The following COL28A1 variants were observed in gnomAD, a reference collection of about 807,000 sequenced individuals.
COL28A1 encodes collagen alpha-1(XXVIII) chain.
In COL28A1, 161 loss-of-function variants were observed where a neutral mutation model predicts 150.2. That is an observed-to-expected ratio of 1.07 (90% CI 0.94 to 1.22). The LOEUF (loss-of-function observed/expected upper bound fraction) is 1.22. COL28A1 is among the 50% of genes most tolerant of loss of function. COL28A1 has a pLI of 0.00. For synonymous variants in COL28A1, 552 were observed against 469.7 expected (o/e 1.18, Z -2.26); for missense variants, 1,617 against 1,388.3 (o/e 1.16, Z -2.62).
At chr7:7,527,822 G>C (rs959398305) in intron 3 of COL28A1, among the ~76,000 whole-genome samples, 1 of 152,142 alleles carries the variant, frequency 6.6e-6, no homozygotes, top group Non-Finnish European at 1.5e-5. Context: ...TTTATGCTGT[G>C]AGAAGGGGAC....
rs943676550 is a variant in COL28A1 at position 7,508,222 on chromosome 7, ACT to A, written c.928-1063_928-1062del. 4.7e-5 allele frequency among the ~76,000 whole-genome samples: 7 copies of A among 150,468 alleles called. No homozygotes were observed. In the South Asian group the frequency reaches 1.3e-3, roughly 27 times the overall value. ...ACTCCAGCCTGGGCAACAGAGCGAG[ACT>A]CTGTCTCAAAAAAAAAAAAAAAATT... On this transcript the variant is annotated intron_variant, in intron 9 of 34. Transcript: ENST00000399429.
intron 27 of COL28A1, among the ~76,000 whole-genome samples, chr7:7,402,350 T>C (rs908141814): frequency 4.6e-5 from 7 of 152,086 alleles, no homozygotes; most frequent in African/African-American, 1.7e-4. Flanking sequence ...TCAGAAGGAG[T>C]GGATTCATTT....
the COL28A1 span, among the ~76,000 whole-genome samples, chr7:7,541,167 T>C: frequency 6.6e-6 from 1 of 152,298 alleles, no homozygotes; most frequent in East Asian, 1.9e-4. Context: ...CCAGTTAAGG[T>C]AATAGGGTCA....
At chr7:7,413,300 C>G (rs1783888725) in intron 27 of COL28A1, among the ~76,000 whole-genome samples, 1 of 152,108 alleles carries the variant, frequency 6.6e-6, no homozygotes, top group Non-Finnish European at 1.5e-5. Context: ...TGTAGACCAC[C>G]ATACTTTCTG....
chr7:7,461,253 T>C (rs1399355973), intron 15 of COL28A1, among the ~76,000 whole-genome samples: 1 of 152,162 alleles, frequency 6.6e-6, no homozygotes, highest in East Asian at 1.9e-4. Context: ...GTGGGTTCCC[T>C]AGCAAGCCAT....
chr7:7,519,082 A>T (rs1300083519), intron 6 of COL28A1, among the ~76,000 whole-genome samples: 1 of 152,154 alleles, frequency 6.6e-6, no homozygotes, highest in Non-Finnish European at 1.5e-5. Flanking sequence ...ACAAAGACAC[A>T]CCTGAGACTG....
the COL28A1 span, among the ~76,000 whole-genome samples, chr7:7,345,770 G>C: frequency 6.6e-6 from 1 of 152,074 alleles, no homozygotes; most frequent in East Asian, 1.9e-4. Flanking sequence ...TTGCTTCTCA[G>C]ATTTTCTGTT....
At chr7:7,460,625 G>T (rs188990689) in intron 15 of COL28A1, among the ~76,000 whole-genome samples, 7 of 151,828 alleles carry the variant, frequency 4.6e-5, no homozygotes, top group Non-Finnish European at 8.8e-5. Context: ...CTCGTGATCC[G>T]CCCGCCTCAG....
chr7:7,450,523 T>C (rs574625208), intron 18 of COL28A1, among the ~76,000 whole-genome samples: 1 of 152,310 alleles, frequency 6.6e-6, no homozygotes, highest in South Asian at 2.1e-4. Context: ...TGTACACACT[T>C]CATATTTGCA....
In COL28A1 at chr7:7,465,161, AGACGGGT is replaced by A. The variant is rs753618757; in HGVS notation, c.1303-9056_1303-9050del. Among the ~76,000 whole-genome samples, 321 of 151,174 alleles carry A rather than the reference AGACGGGT, an allele frequency of 2.1e-3. 1 individual carries two copies. The highest frequency in any genetic ancestry group is 3.7e-3 in the Non-Finnish European group (249 of 67,368). On this transcript the variant is annotated intron_variant, in intron 15 of 34. Coordinates refer to ENST00000399429, the MANE Select transcript of COL28A1 (RefSeq NM_001037763.3). ...CAGCTCCCAGCGTGAGCGACGCAGA[AGACGGGT>A]GATTTCTGCATTTCCATCTGAGGTA...
chr7:7,402,530 G>C (rs1783264289), intron 27 of COL28A1, among the ~76,000 whole-genome samples: 1 of 152,184 alleles, frequency 6.6e-6, no homozygotes, highest in African/African-American at 2.4e-5. Context: ...CAGGTATTTA[G>C]AGAATCAAAC....
At chr7:7,377,807 C>CAAAAAAAAAAA (rs35530896) in intron 30 of COL28A1, among the ~76,000 whole-genome samples, 2 of 126,322 alleles carry the variant, frequency 1.6e-5, no homozygotes, top group African/African-American at 2.9e-5. Context: ...ATAATTCACG[C>CAAAAAAAAAAA]AAAAAAAAAA....
chr7:7,378,086 G>C (rs1469235391), intron 30 of COL28A1, among the ~76,000 whole-genome samples: 1 of 152,092 alleles, frequency 6.6e-6, no homozygotes, highest in Non-Finnish European at 1.5e-5. Context: ...TCCACCTAGA[G>C]ATGTCCACGG....
intron 25 of COL28A1, among the ~76,000 whole-genome samples, chr7:7,429,473 T>TGTG (rs1554270171): frequency 4.7e-5 from 5 of 106,968 alleles, no homozygotes; most frequent in Admixed American, 1.9e-4. Flanking sequence ...TGTGTGTGTG[T>TGTG]GGGGGGGGGG....
At chr7:7,387,695 CT>C (rs1332266921) in intron 27 of COL28A1, among the ~76,000 whole-genome samples, 1 of 152,068 alleles carries the variant, frequency 6.6e-6, no homozygotes, top group African/African-American at 2.4e-5. Context: ...ATCTTTGCAA[CT>C]TTTTTTGCAA....
chr7:7,462,467 A>T (rs531108566), intron 15 of COL28A1, among the ~76,000 whole-genome samples: 2 of 152,344 alleles, frequency 1.3e-5, no homozygotes, highest in East Asian at 3.9e-4. Flanking sequence ...CAATGTAAGG[A>T]AATTTAAAAA....
At position 7,522,806 on chromosome 7, in the gene COL28A1, C is replaced by CA. The variant is rs200294353; in HGVS notation, c.703-846dup. The stretch of plus-strand genomic sequence containing the variant: ...ACTAACACTAACGATAGCTGAAGAG[C>CA]AAAAAAAAAAAAAAAAAAAAAAAAA... On this transcript the variant is annotated intron_variant, in intron 4 of 34. Transcript: ENST00000399429. 5.5e-4 allele frequency among the ~76,000 whole-genome samples: 51 copies of CA among 93,156 alleles called. 1 individual carries two copies. The highest frequency in any genetic ancestry group is 9.6e-4 in the African/African-American group (19 of 19,742). The allele number at this position is 93,156 out of a possible 152,430, so 61.1% of individuals were successfully genotyped here.
At chr7:7,370,643 A>G (rs776566473) in intron 33 of COL28A1, 82 bp downstream of exon 33, 62 of 1,202,872 alleles carry the variant, frequency 5.2e-5, no homozygotes, top group Non-Finnish European at 7.2e-5. Flanking sequence ...ATTCTTGACA[A>G]TGCAGGGCAG....
intron 13 of COL28A1, 104 bp downstream of exon 13, chr7:7,489,285 A>G: frequency 1.4e-6 from 1 of 728,224 alleles, no homozygotes; most frequent in Non-Finnish European, 2.4e-6. Context: ...TAAATAAATA[A>G]AATAGATACA....
Sources: gnomAD v4.1 joint callset for allele counts (sites outside exome capture counted in the v4.1 genomes callset) on GRCh38, gnomAD v4.1.1 for gene constraint, MANE v1.5 for transcripts, NCBI Gene and HGNC (gene_info 2026-07-23, HGNC 2026-07-21) for gene names.